The following MID2 variants were observed in gnomAD, a reference collection of about 807,000 sequenced individuals.
MID2 encodes the protein midline 2.
In MID2, 13 loss-of-function variants were observed where a neutral mutation model predicts 46.1. That is an observed-to-expected ratio of 0.28 (90% confidence interval 0.18 to 0.45). The LOEUF is 0.45. MID2 is among the 20% of genes least tolerant of loss of function. The pLI, the probability that MID2 is intolerant of heterozygous loss-of-function variation, is 1.00. For missense variants in MID2, 431 were observed against 575.4 expected (o/e 0.75, Z 2.57); for synonymous variants, 199 against 212.3 (o/e 0.94, Z 0.55).
chrX:107,849,225 G>C (rs1045772314), intron 2 of MID2, among the ~76,000 whole-genome samples: 1 of 111,979 alleles, frequency 8.9e-6, no homozygotes, highest in African/African-American at 3.3e-5. Flanking sequence ...TGTTTCAATA[G>C]AACTAATACA....
intron 3 of MID2, among the ~76,000 whole-genome samples, chrX:107,902,174 A>G (rs1357354851): frequency 1.8e-5 from 2 of 111,616 alleles, no homozygotes; most frequent in East Asian, 5.6e-4. Flanking sequence ...AAAGGTACCT[A>G]CCTCGGGACT....
At chrX:107,873,562 C>T (rs190001864) in intron 3 of MID2, among the ~76,000 whole-genome samples, 2 of 111,935 alleles carry the variant, frequency 1.8e-5, no homozygotes, top group African/African-American at 6.5e-5. Context: ...ATCCTGGGGA[C>T]TGAAAGATGT....
chrX:107,833,562 A>G (rs1483027830), intron 1 of MID2, among the ~76,000 whole-genome samples: 1 of 109,716 alleles, frequency 9.1e-6, no homozygotes, highest in Non-Finnish European at 1.9e-5. Flanking sequence ...GCTCAGATAC[A>G]TGCTTTGCAG....
chrX:107,855,319 C>A (rs1440562654), intron 3 of MID2, among the ~76,000 whole-genome samples: 1 of 111,958 alleles, frequency 8.9e-6, no homozygotes, highest in East Asian at 2.8e-4. Context: ...TTGTCATCTA[C>A]ATCAAATCTT....
rs1393665429 is a variant in MID2, at chrX:107,845,521, A to ACTCTCTCTCTCTCTCT, written c.720+4137_720+4138insTCTCTCTCTCTCTCTC. On this transcript the variant is annotated intron_variant, in intron 2 of 9. Coordinates refer to ENST00000262843, the MANE Select transcript of MID2 (RefSeq NM_012216.4). ...CACACACACACACACACACACACAC[A>ACTCTCTCTCTCTCTCT]CACACTCTCTCTCTCTCTCTCTCTC... is the stretch of plus-strand genomic sequence containing the variant. 9.3e-5 allele frequency among the ~76,000 whole-genome samples: 8 copies of ACTCTCTCTCTCTCTCT among 85,700 alleles called. No homozygotes were observed. In the East Asian group the frequency reaches 1.3e-3, roughly 14 times the overall value. 74.4% of individuals were successfully genotyped at this position (85,700 alleles called of 115,157 possible). A position where few individuals can be genotyped will look rare whatever the true frequency, so the allele number is the denominator to read the frequency against.
rs1933255069 is a variant in MID2 at position 107,930,037 on chromosome X, C to T, written c.*2964C>T. Among the ~76,000 whole-genome samples the T allele has an allele frequency of 9.0e-6, 1 of 111,619 alleles. No individual in the cohort carries two copies. Among genetic ancestry groups the T allele is most frequent in the South Asian group, 3.8e-4 (1 of 2,660 alleles). ...ACAAGCTCCTCATGATTCTGATGCA[C>T]CAAAAATTTTAATGAATAATCATCT... is the stretch of plus-strand genomic sequence containing the variant. On this transcript the variant is annotated 3_prime_UTR_variant, in exon 10 of 10. Transcript: ENST00000262843.
intron 3 of MID2, among the ~76,000 whole-genome samples, chrX:107,882,895 T>C (rs1932355825): frequency 8.9e-6 from 1 of 111,983 alleles, no homozygotes; most frequent in Non-Finnish European, 1.9e-5. Context: ...TAAAGACGCA[T>C]GCACACATAT....
intron 5 of MID2, among the ~76,000 whole-genome samples, chrX:107,915,071 T>G (rs1932946631): frequency 8.9e-6 from 1 of 112,327 alleles, no homozygotes; most frequent in African/African-American, 3.2e-5. Context: ...GTTATTTTGT[T>G]GTTAGTCATT....
At chrX:107,870,753 CT>C (rs59717985) in intron 3 of MID2, among the ~76,000 whole-genome samples, 2,014 of 74,123 alleles carry the variant, frequency 0.027, 20 homozygotes, top group Middle Eastern at 0.042. Flanking sequence ...CAAATTGCGG[CT>C]TTTTTTTTTT....
chrX:107,862,221 G>C (rs995571870), intron 3 of MID2, among the ~76,000 whole-genome samples: 6 of 111,539 alleles, frequency 5.4e-5, no homozygotes, highest in African/African-American at 2.0e-4. Context: ...ACAGTTGCTA[G>C]TAGCAGTAGT....
At chrX:107,831,023 A>G (rs1931079332) in intron 1 of MID2, among the ~76,000 whole-genome samples, 1 of 111,057 alleles carries the variant, frequency 9.0e-6, no homozygotes, top group Non-Finnish European at 1.9e-5. Flanking sequence ...TAGAAATTCT[A>G]TAAATTACTA....
chrX:107,919,384 G>C (rs1933027484), intron 7 of MID2, among the ~76,000 whole-genome samples: 1 of 111,390 alleles, frequency 9.0e-6, no homozygotes, highest in African/African-American at 3.3e-5. Flanking sequence ...GCTTGAGCCT[G>C]TCAGACTTCA....
chrX:107,851,652 AAACAAC>A (rs746654148), intron 2 of MID2, among the ~76,000 whole-genome samples: 7 of 108,829 alleles, frequency 6.4e-5, no homozygotes, highest in East Asian at 2.9e-4. Flanking sequence ...TCCTCAGTGC[AAACAAC>A]AACAACAACA....
At chrX:107,873,215 C>T (rs1932115706) in intron 3 of MID2, among the ~76,000 whole-genome samples, 1 of 111,892 alleles carries the variant, frequency 8.9e-6, no homozygotes, top group Non-Finnish European at 1.9e-5. Flanking sequence ...GGAATTGCTT[C>T]TACTTAGTTA....
chrX:107,847,464 G>A (rs1243265042), intron 2 of MID2, among the ~76,000 whole-genome samples: 1 of 111,418 alleles, frequency 9.0e-6, no homozygotes, highest in African/African-American at 3.3e-5. Flanking sequence ...GAGTCCATGC[G>A]GAAAGAATTG....
intron 1 of MID2, among the ~76,000 whole-genome samples, chrX:107,831,335 C>T (rs781168070): frequency 1.3e-4 from 15 of 111,817 alleles, no homozygotes; most frequent in Admixed American, 1.0e-3. Flanking sequence ...TTACTGAGAC[C>T]GAACAATCTG....
At chrX:107,834,831 G>C (rs1931171164) in intron 1 of MID2, among the ~76,000 whole-genome samples, 6 of 111,871 alleles carry the variant, frequency 5.4e-5, no homozygotes, top group African/African-American at 2.0e-4. Context: ...ACACCCTGGA[G>C]TCAGACAGAC....
intron 2 of MID2, among the ~76,000 whole-genome samples, chrX:107,845,614 G>A (rs972373701): frequency 3.7e-5 from 4 of 108,991 alleles, no homozygotes; most frequent in Non-Finnish European, 7.6e-5. Context: ...AGGGAGATAT[G>A]AGACTTGGAG....
intron 2 of MID2, among the ~76,000 whole-genome samples, chrX:107,851,033 TGCCTAATATATCAATATATTC>T (rs1203659212): frequency 1.2e-4 from 13 of 112,332 alleles, no homozygotes; most frequent in Middle Eastern, 9.2e-3. Flanking sequence ...ACATTATATT[TGCCTAATATATCAATATATTC>T]GCCTAATATA....
Sources: gnomAD v4.1 joint callset for allele counts (sites outside exome capture counted in the v4.1 genomes callset) on GRCh38, gnomAD v4.1.1 for gene constraint, MANE v1.5 for transcripts, NCBI Gene and HGNC (gene_info 2026-07-23, HGNC 2026-07-21) for gene names.